Variants in SLCO3A1 observed in about 807,000 individuals in gnomAD.
SLCO3A1 encodes PGE1 transporter.
In SLCO3A1, 27 loss-of-function variants were observed where a neutral mutation model predicts 63.1. The observed-to-expected ratio is 0.43, with a 90% CI of 0.32 to 0.59. The LOEUF is 0.59. Among genes scored for constraint, SLCO3A1 ranks in the 20% least tolerant of loss-of-function variants. The pLI, the probability that SLCO3A1 is intolerant of heterozygous loss-of-function variation, is 0.09. For synonymous variants in SLCO3A1, 473 were observed against 409.9 expected (o/e 1.15, Z -1.86); for missense variants, 773 against 945.8 (o/e 0.82, Z 2.40).
intron 2 of SLCO3A1, among the ~76,000 whole-genome samples, chr15:91,971,287 C>T (rs959642727): frequency 1.1e-4 from 17 of 149,814 alleles, no homozygotes; most frequent in African/African-American, 4.2e-4. Context: ...CCCAGCTACT[C>T]GGGAGGCTGA....
intron 4 of SLCO3A1, among the ~76,000 whole-genome samples, chr15:92,114,972 T>A (rs2047775882): frequency 1.3e-5 from 2 of 152,218 alleles, no homozygotes; most frequent in Non-Finnish European, 2.9e-5. Context: ...AAGCATTGGC[T>A]ACCATTGTAA....
At chr15:92,019,812 G>A (rs2046485078) in intron 2 of SLCO3A1, among the ~76,000 whole-genome samples, 1 of 152,170 alleles carries the variant, frequency 6.6e-6, no homozygotes, top group African/African-American at 2.4e-5. Flanking sequence ...TTGTGGGGTG[G>A]CTCCTTTCTA....
rs1445454253 is a variant in SLCO3A1 at position 92,061,205 on chromosome 15, GTTC to G, written c.647-33671_647-33669del. On this transcript the variant is annotated intron_variant, in intron 2 of 9. Transcript: ENST00000318445. ...CATAGGTGCCTAATAAATGATCCTT[GTTC>G]TTCTGGGTTTCCCCTCTCCTTCCAT... is the stretch of plus-strand genomic sequence containing the variant. Among the ~76,000 whole-genome samples the G allele has an allele frequency of 4.6e-5, 7 of 152,196 alleles. No homozygotes were observed. In the East Asian group the frequency reaches 1.3e-3, roughly 29 times the overall value.
chr15:92,089,786 G>A (rs184476511), intron 2 of SLCO3A1, among the ~76,000 whole-genome samples: 234 of 152,274 alleles, frequency 1.5e-3, no homozygotes, highest in African/African-American at 4.4e-3. Flanking sequence ...GGAATTTGCC[G>A]TAGTGTATAC....
chr15:91,975,700 C>T (rs1390738049), intron 2 of SLCO3A1, among the ~76,000 whole-genome samples: 2 of 152,238 alleles, frequency 1.3e-5, no homozygotes, highest in African/African-American at 4.8e-5. Flanking sequence ...ACTGCTAGCA[C>T]AGCCTCCTCC....
In SLCO3A1 at chr15:91,885,088, AG is replaced by A. The variant is rs1897690214; in HGVS notation, c.181-30902del. On this transcript the variant is annotated intron_variant, in intron 1 of 9. Transcript: ENST00000318445. The surrounding 1 kb of genome is among the most constrained non-coding windows in gnomAD (Gnocchi z 4.7). ...AGTAAAAAGCCTTTCCGTCCCATAT[AG>A]GGACACAGAAAGGAGGTGATGGGGG... Among the ~76,000 whole-genome samples, 1 of 152,134 alleles carries A rather than the reference AG, an allele frequency of 6.6e-6. No homozygotes were observed. Among genetic ancestry groups the A allele is most frequent in the African/African-American group, 2.4e-5 (1 of 41,416 alleles).
rs537753835 is a variant in SLCO3A1, at chr15:91,976,601, A to G, written c.646+60143A>G. On this transcript the variant is annotated intron_variant, in intron 2 of 9. Transcript: ENST00000318445. ...GGGGAATCCACGTTGGGCACCAGAT[A>G]TCGGGGAATCTGCCCCGATATTCAC... Among the ~76,000 whole-genome samples the G allele has an allele frequency of 2.6e-5, 4 of 152,274 alleles. No individual in the cohort carries two copies. In the East Asian group the frequency reaches 5.8e-4, roughly 22 times the overall value.
At chr15:91,924,811 G>A (rs1046233503) in intron 2 of SLCO3A1, among the ~76,000 whole-genome samples, 7 of 152,182 alleles carry the variant, frequency 4.6e-5, no homozygotes, top group Admixed American at 1.3e-4. Context: ...AGAAAAGCAC[G>A]GTTCAAGGTT....
At chr15:92,147,814 T>A (rs762766793) in intron 8 of SLCO3A1, among the ~76,000 whole-genome samples, 4 of 152,182 alleles carry the variant, frequency 2.6e-5, no homozygotes, top group Non-Finnish European at 4.4e-5. Context: ...TTAGTAATAT[T>A]CTGAGTAACT....
intron 2 of SLCO3A1, among the ~76,000 whole-genome samples, chr15:92,073,322 C>G (rs1174489894): frequency 1.3e-5 from 2 of 152,170 alleles, no homozygotes; most frequent in Non-Finnish European, 2.9e-5. Context: ...ATCCTCATCC[C>G]ACGACATTCT....
intron 2 of SLCO3A1, among the ~76,000 whole-genome samples, chr15:92,051,064 C>G (rs1441212650): frequency 6.6e-6 from 1 of 152,208 alleles, no homozygotes; most frequent in Admixed American, 6.5e-5. Context: ...TCACATACAC[C>G]TGTTGTGTTT....
At chr15:91,931,788 AACACACACACACGC>A (rs1336397831) in intron 2 of SLCO3A1, among the ~76,000 whole-genome samples, 1 of 144,130 alleles carries the variant, frequency 6.9e-6, no homozygotes, top group Non-Finnish European at 1.5e-5. Flanking sequence ...TAAGTGTGGA[AACACACACACACGC>A]ACACACACAC....
intron 2 of SLCO3A1, among the ~76,000 whole-genome samples, chr15:92,090,395 A>G (rs1489857767): frequency 6.6e-6 from 1 of 152,178 alleles, no homozygotes; most frequent in Non-Finnish European, 1.5e-5. Context: ...TAAACTGAAG[A>G]TTTGTGCTAA....
At chr15:92,139,145 G>A (rs2048095424) in intron 7 of SLCO3A1, among the ~76,000 whole-genome samples, 2 of 151,480 alleles carry the variant, frequency 1.3e-5, no homozygotes, top group Middle Eastern at 3.4e-3. Flanking sequence ...TTTGAAATAT[G>A]TCCCATCAAT....
At chr15:92,050,289 C>T (rs1257793913) in intron 2 of SLCO3A1, among the ~76,000 whole-genome samples, 2 of 152,212 alleles carry the variant, frequency 1.3e-5, no homozygotes, top group Non-Finnish European at 2.9e-5. Context: ...GAGGAGTCGC[C>T]AGCCACAGAG....
At chr15:92,014,348 A>G (rs1048559356) in intron 2 of SLCO3A1, among the ~76,000 whole-genome samples, 2 of 152,156 alleles carry the variant, frequency 1.3e-5, no homozygotes, top group Admixed American at 1.3e-4. Flanking sequence ...GAGGCAAAGA[A>G]AGAGCTGGAA....
In SLCO3A1 at chr15:92,049,314, G is replaced by GA. The variant is rs536953514; in HGVS notation, c.647-45560dup. 8.5e-5 allele frequency among the ~76,000 whole-genome samples: 13 copies of GA among 152,158 alleles called. No individual in the cohort carries two copies. The East Asian group carries it at 1.4e-3, about 16-fold the overall frequency. ...CTGTGTCTGAAATCCAGATTCCCAG[G>GA]AAAAAAACTATGTGATTGGCTCAGC... On this transcript the variant is annotated intron_variant, in intron 2 of 9. Transcript: ENST00000318445.
chr15:91,986,646 A>G (rs2046057406), intron 2 of SLCO3A1, among the ~76,000 whole-genome samples: 1 of 151,642 alleles, frequency 6.6e-6, no homozygotes, highest in Admixed American at 6.6e-5. Flanking sequence ...CTTCCAGCGC[A>G]CCTCAGTTCA....
At chr15:92,147,519 A>G (rs1303605499) in intron 8 of SLCO3A1, among the ~76,000 whole-genome samples, 1 of 152,136 alleles carries the variant, frequency 6.6e-6, no homozygotes, top group Non-Finnish European at 1.5e-5. Flanking sequence ...GCTTAGCCAT[A>G]TGACCGTGGG....
Sources: allele counts gnomAD v4.1 joint callset (sites outside exome capture counted in the v4.1 genomes callset), GRCh38; gene constraint gnomAD v4.1.1; non-coding constraint Gnocchi (gnomAD v3.1); transcripts MANE v1.5; gene names NCBI Gene and HGNC (gene_info 2026-07-23, HGNC 2026-07-21).